Variants in REEP1 observed in about 807,000 individuals in gnomAD.
REEP1 encodes the protein receptor accessory protein 1.
Under a neutral mutation model 40.3 loss-of-function variants are expected in REEP1, and 22 were observed. That is an observed-to-expected ratio of 0.55 (90% CI 0.39 to 0.78). The LOEUF is 0.78. REEP1 is among the 30% of genes least tolerant of loss of function. The pLI, the probability that REEP1 is intolerant of heterozygous loss-of-function variation, is 0.00. For synonymous variants in REEP1, 116 were observed against 139.2 expected (o/e 0.83, Z 1.17); for missense variants, 280 against 361.1 (o/e 0.78, Z 1.82).
intron 5 of REEP1, among the ~76,000 whole-genome samples, chr2:86,235,740 C>G (rs1433938360): frequency 6.6e-6 from 1 of 152,178 alleles, no homozygotes; most frequent in East Asian, 1.9e-4. Context: ...CATTCAACTC[C>G]CAGAAGCCAG....
At chr2:86,321,047 C>G (rs993068173) in intron 1 of REEP1, among the ~76,000 whole-genome samples, 1 of 152,140 alleles carries the variant, frequency 6.6e-6, no homozygotes, top group Non-Finnish European at 1.5e-5. Context: ...GAACTCCTGA[C>G]CTCAGGTGAT....
At chr2:86,254,335 G>C (rs982186051) in intron 4 of REEP1, among the ~76,000 whole-genome samples, 3 of 152,044 alleles carry the variant, frequency 2.0e-5, no homozygotes, top group African/African-American at 7.2e-5. Context: ...CTGGCTTCCA[G>C]GTAAGATTTA....
chr2:86,243,306 C>T (rs531308255), intron 5 of REEP1, among the ~76,000 whole-genome samples: 6 of 152,300 alleles, frequency 3.9e-5, no homozygotes, highest in African/African-American at 1.4e-4. Context: ...TTCCCACTCA[C>T]GCATGATCCT....
At chr2:86,222,035 C>T (rs1674459552) in intron 7 of REEP1, among the ~76,000 whole-genome samples, 5 of 152,176 alleles carry the variant, frequency 3.3e-5, no homozygotes, top group Admixed American at 3.3e-4. Flanking sequence ...CCAGGGCTTT[C>T]CCTGTACTGA....
At chr2:86,328,430 C>T (rs1014910216) in intron 1 of REEP1, among the ~76,000 whole-genome samples, 5 of 152,204 alleles carry the variant, frequency 3.3e-5, no homozygotes, top group Non-Finnish European at 7.3e-5. Context: ...GCCTGTAATT[C>T]CAGCACTTTG....
At chr2:86,225,432 C>T (rs192107693) in intron 7 of REEP1, among the ~76,000 whole-genome samples, 164 of 152,266 alleles carry the variant, frequency 1.1e-3, no homozygotes, top group African/African-American at 3.7e-3. Context: ...CCACCTCACC[C>T]GGCTAATTTT....
chr2:86,243,946 T>C (rs780100147), intron 5 of REEP1, among the ~76,000 whole-genome samples: 1 of 152,168 alleles, frequency 6.6e-6, no homozygotes, highest in African/African-American at 2.4e-5. Context: ...ATTCAATAGA[T>C]GGTAGAGACT....
intron 5 of REEP1, among the ~76,000 whole-genome samples, chr2:86,238,932 G>A (rs1675511430): frequency 6.6e-6 from 1 of 152,134 alleles, no homozygotes; most frequent in South Asian, 2.1e-4. Flanking sequence ...TTCATGGCCA[G>A]GGATGTATCT....
At chr2:86,264,716 G>A (rs941492079) in intron 2 of REEP1, among the ~76,000 whole-genome samples, 15 of 152,164 alleles carry the variant, frequency 9.9e-5, no homozygotes, top group Admixed American at 6.5e-4. Flanking sequence ...CAAAAGTGAG[G>A]TAGCTTATAT....
intron 5 of REEP1, among the ~76,000 whole-genome samples, chr2:86,246,130 C>T (rs1356349550): frequency 6.6e-6 from 1 of 152,094 alleles, no homozygotes; most frequent in Non-Finnish European, 1.5e-5. Flanking sequence ...CCATATTAGA[C>T]AGGGCAGGGT....
intron 1 of REEP1, among the ~76,000 whole-genome samples, chr2:86,316,317 T>C (rs148883054): frequency 0.03 from 4,576 of 152,022 alleles, 119 homozygotes; most frequent in East Asian, 0.07. Context: ...GGCAGACGGA[T>C]CACCTGAGGT....
chr2:86,252,167 C>A, intron 4 of REEP1, 97 bp from the exon 5 acceptor site: 1 of 872,450 alleles, frequency 1.1e-6, no homozygotes, highest in South Asian at 1.3e-5. Context: ...GCAGCTTGCC[C>A]AATCCTTGTT....
chr2:86,224,842 AAC>A (rs1391932708), intron 7 of REEP1, among the ~76,000 whole-genome samples: 1 of 152,200 alleles, frequency 6.6e-6, no homozygotes, highest in Admixed American at 6.5e-5. Flanking sequence ...CTGATCATGA[AAC>A]CACCAGATGT....
chr2:86,296,847 A>G (rs1679008160), intron 1 of REEP1, among the ~76,000 whole-genome samples: 2 of 152,122 alleles, frequency 1.3e-5, no homozygotes, highest in African/African-American at 4.8e-5. Flanking sequence ...ACAAGAGTGA[A>G]ACTCCGTCTC....
Position 86,331,495 on chromosome 2 carries a change from CTT to C in REEP1, c.32+5982_32+5983del, listed in dbSNP as rs1260718503. ...TATGCAGGAGAATGCCTAAGGCAGA[CTT>C]TGAGCTGTGATCAGTGAAAGGAAAA... On this transcript the variant is annotated intron_variant, in intron 1 of 8. Transcript: ENST00000538924. Among the ~76,000 whole-genome samples, 8 of 150,590 alleles carry C rather than the reference CTT, an allele frequency of 5.3e-5. No homozygotes were observed. In the East Asian group the frequency reaches 1.6e-3, roughly 29 times the overall value.
intron 2 of REEP1, 78 bp from the exon 3 acceptor site, chr2:86,264,119 C>T (rs1372714093): frequency 1.8e-5 from 20 of 1,121,240 alleles, no homozygotes; most frequent in Non-Finnish European, 2.5e-5. Flanking sequence ...GAACAGGCCC[C>T]GGCGGCAGAT....
rs575481157 is a variant in REEP1, at chr2:86,248,547, A to G, written c.417+3410T>C. Among the ~76,000 whole-genome samples, 109 of 152,240 alleles carry G rather than the reference A, an allele frequency of 7.2e-4. 1 individual carries two copies. The highest frequency in any genetic ancestry group is 2.5e-3 in the African/African-American group (104 of 41,546). Reference sequence around the variant, plus strand: ...ACTGCAGTTTCTACCTCCCGGGCTCAAGCGATGATCCTCCTGCCTCTGCCT... The same window carrying G: ...ACTGCAGTTTCTACCTCCCGGGCTCGAGCGATGATCCTCCTGCCTCTGCCT... On this transcript the variant is annotated intron_variant, in intron 5 of 8. Transcript: ENST00000538924.
chr2:86,249,971 T>C (rs906603450), intron 5 of REEP1, among the ~76,000 whole-genome samples: 1 of 152,232 alleles, frequency 6.6e-6, no homozygotes, highest in African/African-American at 2.4e-5. Flanking sequence ...ACTACGTTAG[T>C]CCAGCTGGAA....
intron 1 of REEP1, among the ~76,000 whole-genome samples, chr2:86,322,241 CAT>C (rs1197945255): frequency 6.6e-6 from 1 of 152,072 alleles, no homozygotes; most frequent in Non-Finnish European, 1.5e-5. Flanking sequence ...GTGCAACAAA[CAT>C]ATTAAGAACA....
Sources: allele counts gnomAD v4.1 joint callset (sites outside exome capture counted in the v4.1 genomes callset), GRCh38; gene constraint gnomAD v4.1.1; transcripts MANE v1.5; gene names NCBI Gene and HGNC (gene_info 2026-07-23, HGNC 2026-07-21).